YTHDC2: variants seen among roughly 807,000 people sequenced by gnomAD.
The protein encoded by YTHDC2 is YTH N6-methyladenosine RNA binding protein C2.
Under a neutral mutation model 174.9 loss-of-function variants are expected in YTHDC2, and 45 were observed. The observed-to-expected ratio is 0.26, with a 90% CI of 0.20 to 0.33. The LOEUF (loss-of-function observed/expected upper bound fraction) is 0.33, where lower values mean the gene tolerates loss of function less well. YTHDC2 is among the 10% of genes least tolerant of loss of function. The pLI is 1.00. For synonymous variants in YTHDC2, 657 were observed against 574.5 expected, an observed-to-expected ratio of 1.14 and a Z score of -2.05; for missense variants, 1,650 against 1,723.7, an observed-to-expected ratio of 0.96 and a Z score of 0.76.
rs777667093 is a variant in YTHDC2 at position 113,593,390 on chromosome 5, G to A, written c.*7G>A. ...AAAAAACACAACTGATTGACACTCAGGTTATACCATCTTGACTTTGAGTAT... is the reference window on the plus strand; with the variant it reads ...AAAAAACACAACTGATTGACACTCAAGTTATACCATCTTGACTTTGAGTAT... On this transcript the variant is annotated splice_region_variant and 3_prime_UTR_variant, in exon 29 of 30. Transcript: ENST00000161863. 2 of 1,607,204 alleles carry A rather than the reference G, an allele frequency of 1.2e-6. No individual in the cohort carries two copies. The highest frequency in any genetic ancestry group is 2.2e-5 in the East Asian group (1 of 44,766).
At chr5:113,585,200 TA>T (rs138455645) in intron 26 of YTHDC2, among the ~76,000 whole-genome samples, 5,334 of 148,550 alleles carry the variant, frequency 0.036, 144 homozygotes, top group African/African-American at 0.079. Flanking sequence ...GTGGTTATAT[TA>T]AAAAAAAAAC....
At position 113,558,796 on chromosome 5, in the gene YTHDC2, C is replaced by T. The variant is rs552946829; in HGVS notation, c.2217-2284C>T. 2.8e-4 allele frequency among the ~76,000 whole-genome samples: 43 copies of T among 151,768 alleles called. No individual in the cohort carries two copies. The South Asian group carries it at 7.5e-3, about 27-fold the overall frequency. ...AATTAGCCAGGTGTGGGGGTGGGCA[C>T]CTATAATCCCAGCTACTCAGGAGGC... On this transcript the variant is annotated intron_variant, in intron 17 of 29. Coordinates refer to ENST00000161863, the MANE Select transcript of YTHDC2 (RefSeq NM_022828.5).
At position 113,513,719 on chromosome 5, in the gene YTHDC2, T is replaced by C. The variant is rs1773172757; in HGVS notation, c.-177T>C. 7.4e-6 allele frequency: 5 copies of C among 674,238 alleles called. No homozygotes were observed. The highest frequency in any genetic ancestry group is 3.3e-5 in the East Asian group (1 of 30,218). The allele number at this position is 674,238 out of a possible 1,614,324, so 41.8% of individuals were successfully genotyped here. On this transcript the variant is annotated 5_prime_UTR_variant, in exon 1 of 30. An upstream start codon of the reference 5' UTR is lost. Transcript: ENST00000161863. The stretch of plus-strand genomic sequence containing the variant: ...GCTCCTCGCCTGGCCGTGATATCAA[T>C]GGCGCAGGCTTCACTTCTGCTGTGG...
At chr5:113,561,999 T>TGTGTGTGTGTGTGTGTGTGTG (rs1561676110) in intron 18 of YTHDC2, among the ~76,000 whole-genome samples, 3 of 147,826 alleles carry the variant, frequency 2.0e-5, no homozygotes, top group Non-Finnish European at 3.0e-5. Flanking sequence ...TGTGTGTGTG[T>TGTGTGTGTGTGTGTGTGTGTG]TTTAAGTTTT....
intron 2 of YTHDC2, among the ~76,000 whole-genome samples, chr5:113,523,620 G>A (rs1774022768): frequency 2.6e-5 from 4 of 152,062 alleles, no homozygotes; most frequent in Admixed American, 2.0e-4. Context: ...GTACCACCAA[G>A]TACTTTTTAA....
chr5:113,516,912 G>A (rs1251116367), intron 2 of YTHDC2, among the ~76,000 whole-genome samples: 1 of 152,172 alleles, frequency 6.6e-6, no homozygotes, highest in Non-Finnish European at 1.5e-5. Context: ...ACATCACTAA[G>A]GCCAGTGCTG....
At chr5:113,524,618 G>T (rs933305428) in intron 2 of YTHDC2, among the ~76,000 whole-genome samples, 2 of 151,960 alleles carry the variant, frequency 1.3e-5, no homozygotes, top group Non-Finnish European at 2.9e-5. Context: ...TCATTTTTAG[G>T]TTCTATTGTT....
chr5:113,589,938 G>A (rs1778919523), intron 26 of YTHDC2, among the ~76,000 whole-genome samples: 1 of 151,396 alleles, frequency 6.6e-6, no homozygotes, highest in Non-Finnish European at 1.5e-5. Context: ...TTGTCTTCTT[G>A]TTATCCAGTG....
chr5:113,547,603 T>TG (rs1775972728), intron 10 of YTHDC2, among the ~76,000 whole-genome samples: 1 of 132,496 alleles, frequency 7.5e-6, no homozygotes, highest in Non-Finnish European at 1.5e-5. Context: ...AAGGGACATA[T>TG]GGGATATACT....
At chr5:113,542,032 C>T (rs1015137242) in intron 9 of YTHDC2, among the ~76,000 whole-genome samples, 1 of 152,116 alleles carries the variant, frequency 6.6e-6, no homozygotes, top group African/African-American at 2.4e-5. Context: ...TATTAAAAAG[C>T]TCCAGGTGAT....
At chr5:113,557,719 G>C (rs965546143) in intron 17 of YTHDC2, among the ~76,000 whole-genome samples, 1 of 152,138 alleles carries the variant, frequency 6.6e-6, no homozygotes, top group African/African-American at 2.4e-5. Context: ...ATCTGATCCT[G>C]GGAGGTCGAG....
chr5:113,571,543 A>G (rs1204571698), intron 23 of YTHDC2, among the ~76,000 whole-genome samples: 2 of 152,164 alleles, frequency 1.3e-5, no homozygotes, highest in Non-Finnish European at 2.9e-5. Context: ...AATAGTTTCA[A>G]AAGAAAGGGT....
intron 19 of YTHDC2, 65 bp from the exon 20 acceptor site, chr5:113,563,794 T>G: frequency 1.3e-6 from 2 of 1,552,328 alleles, no homozygotes; most frequent in South Asian, 2.4e-5. Flanking sequence ...TTAGGGGTTT[T>G]TAATTATGTG....
intron 10 of YTHDC2, among the ~76,000 whole-genome samples, chr5:113,543,537 G>A (rs1043412986): frequency 1.3e-5 from 2 of 152,092 alleles, no homozygotes; most frequent in Non-Finnish European, 2.9e-5. Context: ...GCAGTAGCCC[G>A]TTAACCATTT....
rs1235087625 is a variant in YTHDC2, at chr5:113,535,664, G to A, written c.968G>A (p.Arg323Gln). 2 of 1,612,898 alleles carry A rather than the reference G, an allele frequency of 1.2e-6. No individual in the cohort carries two copies. Among genetic ancestry groups the A allele is most frequent in the South Asian group, 1.1e-5 (1 of 90,828 alleles). Reference sequence around the variant, plus strand: ...TAGGATGAAGTGCATGAAAGGGATCGATTTAGTGATTTTTTACTTACAAAG... The same window carrying A: ...TAGGATGAAGTGCATGAAAGGGATCAATTTAGTGATTTTTTACTTACAAAG... The part of the protein sequence containing the change: ...VIVDEVHERD[R>Q]FSDFLLTKLR... The change falls in exon 7 of 30, where the codon CGA becomes CAA. Residue 323 changes from arginine to glutamine, a missense_variant. Physicochemically the swap from Arg to Gln is conservative, Grantham distance 43 (BLOSUM62 1). Around this residue, in one of 5 missense-constraint regions of YTHDC2, gnomAD observed 411 missense variants for 380.6 expected, o/e 1.08. Coordinates refer to ENST00000161863, the MANE Select transcript of YTHDC2 (RefSeq NM_022828.5).
intron 3 of YTHDC2, 109 bp downstream of exon 3, chr5:113,525,286 G>A (rs549246908): frequency 3.2e-6 from 3 of 926,994 alleles, no homozygotes; most frequent in East Asian, 2.9e-5. Context: ...TTTCTCAATT[G>A]GAATAGTTTG....
At chr5:113,561,971 T>TGTGTGTGTGTGG (rs1777018743) in intron 18 of YTHDC2, among the ~76,000 whole-genome samples, 1 of 107,530 alleles carries the variant, frequency 9.3e-6, no homozygotes, top group Admixed American at 8.8e-5. Context: ...TGTGTGTGTG[T>TGTGTGTGTGTGG]GTGTGTGTGT....
At chr5:113,557,501 A>G (rs1397959936) in intron 17 of YTHDC2, among the ~76,000 whole-genome samples, 1 of 152,154 alleles carries the variant, frequency 6.6e-6, no homozygotes, top group African/African-American at 2.4e-5. Flanking sequence ...ATAGTATATT[A>G]TTGTGGGTAA....
intron 2 of YTHDC2, among the ~76,000 whole-genome samples, chr5:113,517,187 A>G (rs1459454718): frequency 6.6e-6 from 1 of 152,188 alleles, no homozygotes; most frequent in African/African-American, 2.4e-5. Flanking sequence ...GAATATTCAC[A>G]CTGAGACTAT....
Sources: gnomAD v4.1 joint callset for allele counts (sites outside exome capture counted in the v4.1 genomes callset) on GRCh38, gnomAD v4.1.1 for gene constraint, gnomAD v4.1.1 regional missense constraint, MANE v1.5 for transcripts, NCBI Gene and HGNC (gene_info 2026-07-23, HGNC 2026-07-21) for gene names.